TENM4: variants seen among roughly 807,000 people sequenced by gnomAD.
TENM4 encodes the protein teneurin transmembrane protein 4.
A neutral mutation model predicts 243.3 loss-of-function variants in TENM4; 82 were observed. The ratio of observed to expected loss-of-function variants is 0.34; its 90% CI spans 0.28 to 0.40. The LOEUF (loss-of-function observed/expected upper bound fraction) is 0.40. Among genes scored for constraint, TENM4 ranks in the 10% least tolerant of loss-of-function variants. The pLI, the probability that TENM4 is intolerant of heterozygous loss-of-function variation, is 1.00. For missense variants in TENM4, 3,138 were observed against 3,673.3 expected (o/e 0.85, Z 3.77); for synonymous variants, 1,412 against 1,456.3 (o/e 0.97, Z 0.69).
intron 6 of TENM4, among the ~76,000 whole-genome samples, chr11:78,989,439 T>C (rs1459303707): frequency 6.6e-6 from 1 of 152,242 alleles, no homozygotes; most frequent in Non-Finnish European, 1.5e-5. Flanking sequence ...TTAATCCCAG[T>C]AATCAAATAA....
chr11:79,178,909 A>G (rs1202144107), intron 3 of TENM4, among the ~76,000 whole-genome samples: 1 of 152,204 alleles, frequency 6.6e-6, no homozygotes, highest in Non-Finnish European at 1.5e-5. Context: ...GTCTTTTCAT[A>G]TGTGTATGTA....
intron 3 of TENM4, among the ~76,000 whole-genome samples, chr11:79,172,617 A>G (rs763434942): frequency 2.0e-5 from 3 of 150,210 alleles, no homozygotes; most frequent in Admixed American, 6.6e-5. Flanking sequence ...GGCATCATCA[A>G]TTCTTGCTTA....
intron 6 of TENM4, among the ~76,000 whole-genome samples, chr11:78,964,740 A>G (rs956652586): frequency 2.0e-5 from 3 of 152,200 alleles, no homozygotes; most frequent in Non-Finnish European, 2.9e-5. Context: ...ACATGAAAGT[A>G]TATAGTATAT....
At chr11:79,059,802 A>C (rs1051751040) in intron 6 of TENM4, among the ~76,000 whole-genome samples, 2 of 152,160 alleles carry the variant, frequency 1.3e-5, no homozygotes, top group Admixed American at 6.5e-5. Context: ...TAAAATGACA[A>C]AACTGTGGCT....
chr11:78,911,698 C>T (rs1040031607), intron 6 of TENM4, among the ~76,000 whole-genome samples: 15 of 152,140 alleles, frequency 9.9e-5, no homozygotes, highest in East Asian at 1.9e-4. Flanking sequence ...CCTGGTCTGA[C>T]GCACTCTTGC....
At chr11:79,200,982 C>G (rs1289289160) in intron 3 of TENM4, among the ~76,000 whole-genome samples, 1 of 152,156 alleles carries the variant, frequency 6.6e-6, no homozygotes, top group Non-Finnish European at 1.5e-5. Context: ...TAATTATGCC[C>G]CACACAGCTT....
intron 4 of TENM4, among the ~76,000 whole-genome samples, chr11:79,079,722 A>G (rs1404078696): frequency 6.6e-6 from 1 of 151,460 alleles, no homozygotes; most frequent in African/African-American, 2.4e-5. Context: ...CCAGTTACTC[A>G]GGAGGCTGAG....
chr11:79,166,835 A>G (rs1276054945), intron 3 of TENM4, among the ~76,000 whole-genome samples: 1 of 152,196 alleles, frequency 6.6e-6, no homozygotes, highest in African/African-American at 2.4e-5. Flanking sequence ...ACAGTGCACT[A>G]GGAAGTTCCA....
chr11:79,102,628 G>A lies in TENM4; in HGVS notation c.-65-32619C>T, dbSNP rs545431409. Among the ~76,000 whole-genome samples the A allele has an allele frequency of 6.6e-5, 10 of 152,324 alleles. 1 individual carries two copies. The South Asian group carries it at 2.1e-3, about 32-fold the overall frequency. On this transcript the variant is annotated intron_variant, in intron 4 of 33. Transcript: ENST00000278550. ...TGGCATGGTGCCTTGCACACCGTAA[G>A]CACCATGGTCATTGCTATCGCTTTT...
At chr11:79,161,555 G>T (rs141921762) in intron 3 of TENM4, among the ~76,000 whole-genome samples, 2 of 152,266 alleles carry the variant, frequency 1.3e-5, no homozygotes, top group Non-Finnish European at 2.9e-5. Context: ...CTGCAGTGAT[G>T]TGTGTCCCCA....
At chr11:78,695,116 C>T (rs1463628593) in intron 28 of TENM4, among the ~76,000 whole-genome samples, 1 of 148,122 alleles carries the variant, frequency 6.8e-6, no homozygotes, top group Non-Finnish European at 1.5e-5. Context: ...GTGTGATTAT[C>T]GATCACTGCA....
intron 2 of TENM4, among the ~76,000 whole-genome samples, chr11:79,287,610 T>C (rs1856279459): frequency 6.6e-6 from 1 of 152,068 alleles, no homozygotes. Context: ...CCCCAACAAG[T>C]AGGGTGCTTG....
At chr11:78,786,035 T>C (rs924407868) in intron 16 of TENM4, among the ~76,000 whole-genome samples, 1 of 151,670 alleles carries the variant, frequency 6.6e-6, no homozygotes. Flanking sequence ...AACACACATA[T>C]ATACACAAAC....
intron 1 of TENM4, among the ~76,000 whole-genome samples, chr11:79,411,725 T>G (rs1461907028): frequency 6.6e-6 from 1 of 152,160 alleles, no homozygotes; most frequent in African/African-American, 2.4e-5. Flanking sequence ...CTATCTCATC[T>G]CCAGGCACAG....
intron 1 of TENM4, among the ~76,000 whole-genome samples, chr11:79,343,729 C>T (rs375872107): frequency 6.7e-4 from 102 of 152,162 alleles, no homozygotes; most frequent in African/African-American, 2.1e-3. Context: ...CTCTGAAAAA[C>T]GAACAAGCTT....
At chr11:78,720,048 A>T (rs1859609446) in intron 25 of TENM4, among the ~76,000 whole-genome samples, 1 of 152,252 alleles carries the variant, frequency 6.6e-6, no homozygotes, top group Admixed American at 6.5e-5. Flanking sequence ...CAATGCAGTT[A>T]GGATGACATC....
At chr11:79,313,815 T>C (rs1856759930) in intron 1 of TENM4, among the ~76,000 whole-genome samples, 1 of 152,128 alleles carries the variant, frequency 6.6e-6, no homozygotes, top group South Asian at 2.1e-4. Context: ...CCCACTGTCT[T>C]GGGACAGATA....
intron 15 of TENM4, among the ~76,000 whole-genome samples, chr11:78,791,484 G>A (rs919852529): frequency 1.3e-5 from 2 of 152,150 alleles, no homozygotes; most frequent in Admixed American, 6.5e-5. Flanking sequence ...CAGGGATGAC[G>A]TCAACTACTA....
chr11:79,138,766 A>T (rs1862178292), intron 4 of TENM4, among the ~76,000 whole-genome samples: 1 of 113,626 alleles, frequency 8.8e-6, no homozygotes, highest in South Asian at 2.5e-4. Context: ...TTATATAAAT[A>T]CATAAAACAT....
Sources: allele counts gnomAD v4.1 joint callset (sites outside exome capture counted in the v4.1 genomes callset), GRCh38; gene constraint gnomAD v4.1.1; transcripts MANE v1.5; gene names NCBI Gene and HGNC (gene_info 2026-07-23, HGNC 2026-07-21).